Variants in SLC36A3 observed in about 807,000 individuals in gnomAD.
SLC36A3 encodes solute carrier family 36 member 3.
SLC36A3 carries 35 observed loss-of-function variants against 44.3 expected under a neutral mutation model. That is an observed-to-expected ratio of 0.79 (90% confidence interval 0.60 to 1.05). The LOEUF (loss-of-function observed/expected upper bound fraction) is 1.05, where lower values mean the gene tolerates loss of function less well. Ranked by LOEUF, SLC36A3 falls within the 50% of genes least tolerant of loss-of-function variation. SLC36A3 has a pLI of 0.00. For missense variants in SLC36A3, 540 were observed against 578.7 expected (o/e 0.93, Z 0.69); for synonymous variants, 211 against 227.6 (o/e 0.93, Z 0.66).
In SLC36A3 at chr5:151,288,534, T is replaced by C; in HGVS notation, c.405-64A>G. ...AAAAGCTAAAATTATTTCTTAAGAA[T>C]GTTTACTATTTGAAACAATTATTTT... is the stretch of plus-strand genomic sequence containing the variant. On this transcript the variant is annotated intron_variant, in intron 4 of 9. Coordinates refer to ENST00000335230, the MANE Select transcript of SLC36A3 (RefSeq NM_181774.4). 3.4e-6 allele frequency: 4 copies of C among 1,171,208 alleles called. No individual in the cohort carries two copies. In the South Asian group the frequency reaches 4.9e-5, roughly 14 times the overall value. The allele number at this position is 1,171,208 out of a possible 1,614,324, so 72.6% of individuals were successfully genotyped here.
intron 1 of SLC36A3, among the ~76,000 whole-genome samples, chr5:151,300,993 C>G (rs1755150080): frequency 6.6e-6 from 1 of 152,242 alleles, no homozygotes; most frequent in South Asian, 2.1e-4. Context: ...TCATATTCTA[C>G]TGTATGTTTG....
intron 3 of SLC36A3, 124 bp downstream of exon 3, chr5:151,296,056 A>G (rs1754947397): frequency 1.4e-5 from 12 of 865,304 alleles, no homozygotes; most frequent in Middle Eastern, 2.6e-4. Flanking sequence ...CCTTCATAGA[A>G]TCCAGATTGG....
intron 2 of SLC36A3, chr5:151,296,585 C>T (rs34332488): frequency 0.013 from 4,811 of 370,490 alleles, 201 homozygotes; most frequent in African/African-American, 0.089. Context: ...TTTATTTTGT[C>T]TGACACACCC....
chr5:151,286,535 T>C (rs1754541533), intron 6 of SLC36A3, among the ~76,000 whole-genome samples: 1 of 152,120 alleles, frequency 6.6e-6, no homozygotes, highest in Admixed American at 6.5e-5. Flanking sequence ...TAAGCAACCC[T>C]CCCACCTCAG....
chr5:151,301,248 G>C (rs1005586538), intron 1 of SLC36A3, among the ~76,000 whole-genome samples: 37 of 151,894 alleles, frequency 2.4e-4, no homozygotes, highest in Admixed American at 2.4e-3. Context: ...CCCCCTTTTT[G>C]CCTGGGGACC....
intron 4 of SLC36A3, among the ~76,000 whole-genome samples, chr5:151,292,387 A>T (rs59186556): frequency 0.25 from 38,062 of 151,950 alleles, 4,986 homozygotes; most frequent in Admixed American, 0.38. Flanking sequence ...CTCCTGAGGG[A>T]CTTTGCTGGG....
At chr5:151,302,578 G>C (rs571786108) in intron 1 of SLC36A3, among the ~76,000 whole-genome samples, 50 of 151,654 alleles carry the variant, frequency 3.3e-4, no homozygotes, top group African/African-American at 1.2e-3. Context: ...GGTTGGGGGT[G>C]GGGGGCAGGG....
intron 1 of SLC36A3, among the ~76,000 whole-genome samples, chr5:151,300,643 G>C (rs1755138653): frequency 6.6e-6 from 1 of 152,128 alleles, no homozygotes; most frequent in African/African-American, 2.4e-5. Flanking sequence ...AGTTTTCGGA[G>C]GAACCACTGT....
At chr5:151,298,825 T>A in intron 1 of SLC36A3, 142 bp from the exon 2 acceptor site, 1 of 714,104 alleles carries the variant, frequency 1.4e-6, no homozygotes, top group South Asian at 1.7e-5. Context: ...GAGACAACTC[T>A]CAGTTCTAGG....
intron 9 of SLC36A3, 108 bp downstream of exon 9, chr5:151,280,906 C>T (rs1754283544): frequency 4.3e-6 from 6 of 1,379,860 alleles, no homozygotes; most frequent in Non-Finnish European, 6.0e-6. Context: ...AAATATCCCA[C>T]CCTAGGTCAC....
chr5:151,288,591 T>C, intron 4 of SLC36A3, 121 bp from the exon 5 acceptor site: 1 of 868,584 alleles, frequency 1.2e-6, no homozygotes, highest in Non-Finnish European at 1.6e-6. Context: ...CCCTACTTTC[T>C]TTTATTTTGA....
chr5:151,295,837 G>A (rs1289991590), intron 3 of SLC36A3, among the ~76,000 whole-genome samples: 2 of 152,184 alleles, frequency 1.3e-5, no homozygotes, highest in Non-Finnish European at 2.9e-5. Context: ...GGGATGGAGA[G>A]GCTAAAAGGA....
chr5:151,298,797 C>T (rs746722039), intron 1 of SLC36A3, 114 bp from the exon 2 acceptor site: 9 of 929,516 alleles, frequency 9.7e-6, no homozygotes, highest in Non-Finnish European at 1.3e-5. Context: ...AGGGGCAAAA[C>T]CTGATGAGGT....
In SLC36A3 at chr5:151,276,480, AATTT is replaced by A. The variant is rs1173527977; in HGVS notation, c.*909_*912del. On this transcript the variant is annotated 3_prime_UTR_variant, in exon 10 of 10. Transcript: ENST00000335230. ...ATATTCCATTGTATGGCTACATCAC[AATTT>A]ATTTATCCATTCTCTTGTTTATAGA... Among the ~76,000 whole-genome samples, 7 of 152,218 alleles carry A rather than the reference AATTT, an allele frequency of 4.6e-5. No homozygotes were observed. The highest frequency in any genetic ancestry group is 1.4e-4 in the African/African-American group (6 of 41,454).
At chr5:151,296,472 G>C in intron 2 of SLC36A3, 1 of 600,932 alleles carries the variant, frequency 1.7e-6, no homozygotes, top group Non-Finnish European at 3.0e-6. Flanking sequence ...CCCAACTTCT[G>C]CTAGGATACT....
At chr5:151,280,666 A>G (rs938027049) in intron 9 of SLC36A3, among the ~76,000 whole-genome samples, 6 of 152,168 alleles carry the variant, frequency 3.9e-5, no homozygotes, top group African/African-American at 1.4e-4. Context: ...TACTTAATTT[A>G]TCTGGGCCAC....
chr5:151,283,873 G>A (rs888588422), intron 8 of SLC36A3, among the ~76,000 whole-genome samples, 171 bp downstream of exon 8: 1 of 152,230 alleles, frequency 6.6e-6, no homozygotes, highest in African/African-American at 2.4e-5. Context: ...CTTGGAGTGA[G>A]GTGCGGCCAT....
chr5:151,276,972 C>T lies in SLC36A3; in HGVS notation c.*421G>A. The T allele has an allele frequency of 5.4e-6, 1 of 185,724 alleles. No homozygotes were observed. The highest frequency in any genetic ancestry group is 1.1e-5 in the Non-Finnish European group (1 of 87,102). 11.5% of individuals were successfully genotyped at this position (185,724 alleles called of 1,614,324 possible). A position where few individuals can be genotyped will look rare whatever the true frequency, so the allele number is the denominator to read the frequency against. The stretch of plus-strand genomic sequence containing the variant: ...TTTTGTTCTGTCTATGACTCTTCTA[C>T]TTAGAATATCTAAATAGAAAACTCC... On this transcript the variant is annotated 3_prime_UTR_variant, in exon 10 of 10. Coordinates refer to ENST00000335230, the MANE Select transcript of SLC36A3 (RefSeq NM_181774.4).
intron 9 of SLC36A3, among the ~76,000 whole-genome samples, 154 bp from the exon 10 acceptor site, chr5:151,277,815 C>A (rs1449849433): frequency 6.6e-6 from 1 of 152,188 alleles, no homozygotes; most frequent in African/African-American, 2.4e-5. Context: ...ACTCCCACCC[C>A]TGTCTTAACT....
Sources: gnomAD v4.1 joint callset for allele counts (sites outside exome capture counted in the v4.1 genomes callset) on GRCh38, gnomAD v4.1.1 for gene constraint, MANE v1.5 for transcripts, NCBI Gene and HGNC (gene_info 2026-07-23, HGNC 2026-07-21) for gene names.